Variants in TMEM163 observed in about 807,000 individuals in gnomAD.
TMEM163 encodes the protein transmembrane protein 163.
TMEM163 carries 17 observed loss-of-function variants against 29.3 expected under a neutral mutation model. That is an observed-to-expected ratio of 0.58 (90% CI 0.40 to 0.87). TMEM163 has a LOEUF of 0.87. Among genes scored for constraint, TMEM163 ranks in the 40% least tolerant of loss-of-function variants. TMEM163 has a pLI of 0.00. For missense variants in TMEM163, 303 were observed against 381.5 expected, an observed-to-expected ratio of 0.79 and a Z score of 1.71; for synonymous variants, 157 against 160.6, an observed-to-expected ratio of 0.98 and a Z score of 0.17.
intron 2 of TMEM163, among the ~76,000 whole-genome samples, chr2:134,604,584 G>T (rs1244067539): frequency 6.6e-6 from 1 of 152,048 alleles, no homozygotes; most frequent in Non-Finnish European, 1.5e-5. Context: ...GTGGGACTGG[G>T]ATGGGCAAAA....
At position 134,494,403 on chromosome 2, in the gene TMEM163, T is replaced by C. The variant is rs1292858168; in HGVS notation, c.555+8498A>G. Among the ~76,000 whole-genome samples, 4 of 152,184 alleles carry C rather than the reference T, an allele frequency of 2.6e-5. No homozygotes were observed. The East Asian group carries it at 7.7e-4, about 29-fold the overall frequency. The stretch of plus-strand genomic sequence containing the variant: ...AAAACTCCCCAATTAAATTCAGAGT[T>C]ACACTTGACAGCATGTCATACTAGA... On this transcript the variant is annotated intron_variant, in intron 5 of 7. Transcript: ENST00000281924.
intron 2 of TMEM163, among the ~76,000 whole-genome samples, chr2:134,614,850 C>T (rs981325677): frequency 1.4e-5 from 2 of 147,634 alleles, no homozygotes; most frequent in African/African-American, 5.1e-5. Context: ...TGAGAGACTT[C>T]ATCTAAAAAA....
At chr2:134,536,830 G>A (rs1204941253) in intron 4 of TMEM163, among the ~76,000 whole-genome samples, 1 of 152,080 alleles carries the variant, frequency 6.6e-6, no homozygotes, top group Non-Finnish European at 1.5e-5. Flanking sequence ...TCCCTGACAG[G>A]CTGTAAGAGC....
intron 4 of TMEM163, among the ~76,000 whole-genome samples, chr2:134,526,942 G>C (rs767535787): frequency 3.9e-5 from 6 of 152,186 alleles, no homozygotes; most frequent in Non-Finnish European, 7.3e-5. Flanking sequence ...GCACGGTTCA[G>C]TATATGCTGT....
chr2:134,458,301 G>C, intron 6 of TMEM163, 128 bp from the exon 7 acceptor site: 3 of 1,136,278 alleles, frequency 2.6e-6, no homozygotes, highest in Admixed American at 4.5e-5. Context: ...GCTCTCACGA[G>C]TGATAGCCAC....
intron 7 of TMEM163, 56 bp downstream of exon 7, chr2:134,457,976 G>A (rs1686439071): frequency 1.9e-6 from 3 of 1,609,162 alleles, no homozygotes; most frequent in Non-Finnish European, 2.5e-6. Context: ...GGAAGGCGGT[G>A]GAAAAGGGAC....
rs371908985 is a variant in TMEM163 at position 134,668,267 on chromosome 2, T to TCTCATCAGCG, written c.322+44923_322+44932dup. Among the ~76,000 whole-genome samples, 379 of 152,244 alleles carry TCTCATCAGCG rather than the reference T, an allele frequency of 2.5e-3. 3 individuals carry two copies. The highest frequency in any genetic ancestry group is 8.8e-3 in the African/African-American group (364 of 41,530). ...ACCTGTCCTGGAACAAGCCCACAGTTCTCATCAGCGCTCATCAGTGGCCAC... is the reference window on the plus strand; with the variant it reads ...ACCTGTCCTGGAACAAGCCCACAGTTCTCATCAGCGCTCATCAGCGCTCATCAGTGGCCAC... On this transcript the variant is annotated intron_variant, in intron 2 of 7. Coordinates refer to ENST00000281924, the MANE Select transcript of TMEM163 (RefSeq NM_030923.5).
At chr2:134,490,242 G>A (rs915372175) in intron 5 of TMEM163, among the ~76,000 whole-genome samples, 3 of 152,200 alleles carry the variant, frequency 2.0e-5, no homozygotes, top group Non-Finnish European at 4.4e-5. Context: ...AGCTAAACTC[G>A]ATGGCTAGCA....
In TMEM163 at chr2:134,516,710, TAC is replaced by T. The variant is rs1491493555; in HGVS notation, c.459-13715_459-13714del. ...GCATATATATGCATATATTCATATA[TAC>T]ATATATATTCATATATATGCATATA... On this transcript the variant is annotated intron_variant, in intron 4 of 7. Transcript: ENST00000281924. Among the ~76,000 whole-genome samples the T allele has an allele frequency of 7.2e-4, 80 of 111,872 alleles. 1 individual carries two copies. Among genetic ancestry groups the T allele is most frequent in the Middle Eastern group, 0.013 (2 of 160 alleles). 73.4% of individuals were successfully genotyped at this position (111,872 alleles called of 152,430 possible). A position where few individuals can be genotyped will look rare whatever the true frequency, so the allele number is the denominator to read the frequency against.
intron 4 of TMEM163, among the ~76,000 whole-genome samples, chr2:134,531,866 G>T (rs1574213046): frequency 6.6e-6 from 1 of 152,126 alleles, no homozygotes; most frequent in South Asian, 2.1e-4. Context: ...CCAGAGGCTG[G>T]GGGCTGGGGC....
intron 5 of TMEM163, among the ~76,000 whole-genome samples, chr2:134,481,033 A>G (rs1687041103): frequency 6.6e-6 from 1 of 152,132 alleles, no homozygotes; most frequent in Non-Finnish European, 1.5e-5. Flanking sequence ...TACAATCACC[A>G]TGGATTAATT....
chr2:134,574,049 C>T (rs1681493153), intron 2 of TMEM163, among the ~76,000 whole-genome samples: 1 of 152,192 alleles, frequency 6.6e-6, no homozygotes, highest in South Asian at 2.1e-4. Flanking sequence ...TAAGAATTTA[C>T]AGCCAAATTT....
At chr2:134,541,950 C>G (rs907193964) in intron 4 of TMEM163, among the ~76,000 whole-genome samples, 1 of 152,208 alleles carries the variant, frequency 6.6e-6, no homozygotes, top group African/African-American at 2.4e-5. Flanking sequence ...TTGCCCCACG[C>G]CTTTCTTACT....
At chr2:134,508,368 G>A (rs1458313196) in intron 4 of TMEM163, among the ~76,000 whole-genome samples, 1 of 152,214 alleles carries the variant, frequency 6.6e-6, no homozygotes, top group East Asian at 1.9e-4. Context: ...TTTGTAATCT[G>A]AGACAGTGCT....
At chr2:134,579,632 C>A (rs1013419915) in intron 2 of TMEM163, among the ~76,000 whole-genome samples, 2 of 152,090 alleles carry the variant, frequency 1.3e-5, no homozygotes, top group African/African-American at 4.8e-5. Flanking sequence ...TGAATGCTCT[C>A]CTAGGGGTAG....
intron 4 of TMEM163, among the ~76,000 whole-genome samples, chr2:134,523,187 G>A (rs72853990): frequency 0.16 from 24,020 of 152,176 alleles, 2,062 homozygotes; most frequent in Middle Eastern, 0.3. Context: ...AAAACAGTGA[G>A]AGAGACATGC....
chr2:134,574,035 T>A (rs900358800), intron 2 of TMEM163, among the ~76,000 whole-genome samples: 1 of 152,198 alleles, frequency 6.6e-6, no homozygotes, highest in African/African-American at 2.4e-5. Context: ...TTTAATTATG[T>A]TTCTAAGAAT....
intron 2 of TMEM163, among the ~76,000 whole-genome samples, chr2:134,667,538 G>A (rs1050082287): frequency 3.3e-5 from 5 of 152,344 alleles, no homozygotes; most frequent in Non-Finnish European, 7.3e-5. Flanking sequence ...CATTTCTGAT[G>A]CCATGTGTCA....
chr2:134,703,691 T>C (rs549698218), intron 2 of TMEM163, among the ~76,000 whole-genome samples: 2 of 152,054 alleles, frequency 1.3e-5, no homozygotes, highest in South Asian at 4.2e-4. Flanking sequence ...AGAGTTAGCA[T>C]TGGAACCCTG....
Sources: allele counts gnomAD v4.1 joint callset (sites outside exome capture counted in the v4.1 genomes callset), GRCh38; gene constraint gnomAD v4.1.1; transcripts MANE v1.5; gene names NCBI Gene and HGNC (gene_info 2026-07-23, HGNC 2026-07-21).